Variants in PCDHGA12 observed in about 807,000 individuals in gnomAD.
PCDHGA12 encodes protocadherin gamma subfamily A, 12, also known as protocadherin gamma-A12.
PCDHGA12 carries 43 observed loss-of-function variants against 61.1 expected under a neutral mutation model. That is an observed-to-expected ratio of 0.70 (90% CI 0.55 to 0.91). The LOEUF is 0.91. Among genes scored for constraint, PCDHGA12 ranks in the 40% least tolerant of loss-of-function variants. The probability of loss-of-function intolerance (pLI) is 0.00; values close to 1 mark genes in which losing one functional copy is unlikely to be tolerated. For synonymous variants in PCDHGA12, 520 were observed against 542.9 expected (o/e 0.96, Z 0.59); for missense variants, 1,236 against 1,227.7 (o/e 1.01, Z -0.10).
rs775312856 is a variant in PCDHGA12, at chr5:141,485,899, C to G, written c.2425-8908C>G. 1.9e-6 allele frequency: 3 copies of G among 1,614,166 alleles called. No homozygotes were observed. Among genetic ancestry groups the G allele is most frequent in the Non-Finnish European group, 2.5e-6 (3 of 1,180,032 alleles). ...ACGTAAACGACAACGCCCCAGCCTT[C>G]CAGCAATCCAGCTACAGGATTAGTG... On this transcript the variant is annotated intron_variant, in intron 1 of 3. Transcript: ENST00000252085. The surrounding 1 kb of genome is among the most constrained non-coding windows in gnomAD (Gnocchi z 5.7).
Position 141,454,782 on chromosome 5 carries a change from C to A in PCDHGA12, c.2424+21599C>A, listed in dbSNP as rs116242508. On this transcript the variant is annotated intron_variant, in intron 1 of 3. Transcript: ENST00000252085. ...GACATGTTTTTTACAAGGAAATAAT[C>A]CTCCATGGTTCTAATTTTTTTTTTT... is the stretch of plus-strand genomic sequence containing the variant. 8.4e-3 allele frequency among the ~76,000 whole-genome samples: 1,205 copies of A among 143,216 alleles called. 20 individuals are homozygous for A. Among genetic ancestry groups the A allele is most frequent in the African/African-American group, 0.03 (1,150 of 37,952 alleles). The allele number at this position is 143,216 out of a possible 152,430, so 94.0% of individuals were successfully genotyped here. A position where few individuals can be genotyped will look rare whatever the true frequency, so the allele number is the denominator to read the frequency against.
chr5:141,446,759 G>A (rs983129633), intron 1 of PCDHGA12, among the ~76,000 whole-genome samples: 5 of 152,026 alleles, frequency 3.3e-5, no homozygotes, highest in Admixed American at 1.3e-4. Flanking sequence ...GAGCCACCGC[G>A]CCCAGCCGGT....
chr5:141,471,214 A>C (rs757487718), intron 1 of PCDHGA12: 2 of 149,606 alleles, frequency 1.3e-5, no homozygotes, highest in Non-Finnish European at 3.0e-5. Context: ...CATGCCTGGC[A>C]ATTTTTTTGT....
At chr5:141,458,617 T>A (rs1392739721) in intron 1 of PCDHGA12, among the ~76,000 whole-genome samples, 6 of 152,170 alleles carry the variant, frequency 3.9e-5, no homozygotes, top group Non-Finnish European at 8.8e-5. Flanking sequence ...TCAGCCAGGC[T>A]GGAGTGCAGT....
chr5:141,465,142 T>TCCCTAA (rs2099097979), intron 1 of PCDHGA12, among the ~76,000 whole-genome samples: 3 of 151,990 alleles, frequency 2.0e-5, no homozygotes, highest in Non-Finnish European at 4.4e-5. Flanking sequence ...GTTTAGGGGA[T>TCCCTAA]ATATGAAGGG....
Position 141,483,506 on chromosome 5 carries a change from T to A in PCDHGA12, c.2425-11301T>A, listed in dbSNP as rs964063329. ...AGGGACAGGGATGAGTCAAGGCTGA[T>A]CCCCCTAGATCCTGACTAAGGAAGC... On this transcript the variant is annotated intron_variant, in intron 1 of 3. Coordinates refer to ENST00000252085, the MANE Select transcript of PCDHGA12 (RefSeq NM_003735.3). Among the ~76,000 whole-genome samples the A allele has an allele frequency of 2.7e-5, 4 of 148,396 alleles. No individual in the cohort carries two copies. In the South Asian group the frequency reaches 8.5e-4, roughly 32 times the overall value.
chr5:141,505,338 G>T, intron 2 of PCDHGA12, 55 bp from the exon 3 acceptor site: 1 of 1,612,254 alleles, frequency 6.2e-7, no homozygotes, highest in South Asian at 1.1e-5. Flanking sequence ...GGACAGGAGG[G>T]GCATGAGCTG....
At chr5:141,451,036 G>T (rs973806381) in intron 1 of PCDHGA12, among the ~76,000 whole-genome samples, 1 of 150,880 alleles carries the variant, frequency 6.6e-6, no homozygotes, top group Non-Finnish European at 1.5e-5. Flanking sequence ...CACCATATTG[G>T]CCAGGCTGGT....
chr5:141,454,675 G>A (rs973403044), intron 1 of PCDHGA12, among the ~76,000 whole-genome samples: 8 of 151,764 alleles, frequency 5.3e-5, no homozygotes, highest in Non-Finnish European at 1.0e-4. Context: ...CAAAACACTG[G>A]GATTACAGGC....
In PCDHGA12 at chr5:141,485,318, G is replaced by A. The variant is rs1318256454; in HGVS notation, c.2425-9489G>A. On this transcript the variant is annotated intron_variant, in intron 1 of 3. Transcript: ENST00000252085. The surrounding 1 kb of genome is among the most constrained non-coding windows in gnomAD (Gnocchi z 5.7). ...GGAAGGGACTTTTGTAGGGAATGTC[G>A]CTCAAGATTTCCTGCTGGATACGGA... 3 of 1,614,142 alleles carry A rather than the reference G, an allele frequency of 1.9e-6. No homozygotes were observed. The highest frequency in any genetic ancestry group is 2.5e-6 in the Non-Finnish European group (3 of 1,180,006).
In PCDHGA12 at chr5:141,489,984, T is replaced by C; in HGVS notation, c.2425-4823T>C. The C allele has an allele frequency of 1.2e-6, 2 of 1,614,212 alleles. No homozygotes were observed. Among genetic ancestry groups the C allele is most frequent in the South Asian group, 1.1e-5 (1 of 91,090 alleles). ...CAACCTTCCAATCCTCAGTTCTACG[T>C]GTGGGAATCCCAGAGAATGCACCCA... On this transcript the variant is annotated intron_variant, in intron 1 of 3. Transcript: ENST00000252085. The surrounding 1 kb of genome is among the most constrained non-coding windows in gnomAD (Gnocchi z 4.5).
rs763097687 is a variant in PCDHGA12 at position 141,489,361 on chromosome 5, C to G, written c.2425-5446C>G. On this transcript the variant is annotated intron_variant, in intron 1 of 3. Transcript: ENST00000252085. This position sits in a 1 kb window ranked among gnomAD's most constrained non-coding sequence, Gnocchi z 4.5. Reference sequence around the variant, plus strand: ...TTACTCAGTGGTGGAGGAGTCTGAGCCGGGGACGCTGGTGGGGAATGTTGC... The same window carrying G: ...TTACTCAGTGGTGGAGGAGTCTGAGGCGGGGACGCTGGTGGGGAATGTTGC... 6.2e-7 allele frequency: 1 copy of G among 1,612,762 alleles called. No homozygotes were observed. Among genetic ancestry groups the G allele is most frequent in the African/African-American group, 1.3e-5 (1 of 74,874 alleles).
chr5:141,455,587 T>C (rs1383947901), intron 1 of PCDHGA12, among the ~76,000 whole-genome samples: 1 of 152,162 alleles, frequency 6.6e-6, no homozygotes, highest in African/African-American at 2.4e-5. Flanking sequence ...CCTTTTAATA[T>C]GCAAACGTAG....
chr5:141,503,077 TCTC>T (rs1212079220), intron 2 of PCDHGA12, among the ~76,000 whole-genome samples: 1 of 151,810 alleles, frequency 6.6e-6, no homozygotes, highest in African/African-American at 2.4e-5. Flanking sequence ...ATGGTCTCGA[TCTC>T]CTGACCTCGT....
chr5:141,486,138 C>T lies in PCDHGA12; in HGVS notation c.2425-8669C>T. On this transcript the variant is annotated intron_variant, in intron 1 of 3. Transcript: ENST00000252085. This position sits in a 1 kb window ranked among gnomAD's most constrained non-coding sequence, Gnocchi z 5.0. ...AATTACTATGAATTTGATGTGCGGG[C>T]TCGCGATGGGGGTTCTCCAGCCATG... The T allele has an allele frequency of 6.2e-7, 1 of 1,614,212 alleles. No individual in the cohort carries two copies. The highest frequency in any genetic ancestry group is 1.3e-5 in the African/African-American group (1 of 75,052).
intron 1 of PCDHGA12, among the ~76,000 whole-genome samples, chr5:141,460,807 A>G (rs2098998307): frequency 6.6e-6 from 1 of 151,962 alleles, no homozygotes; most frequent in Non-Finnish European, 1.5e-5. Context: ...ATATATATGT[A>G]TGTATACATA....
rs376415955 is a variant in PCDHGA12, at chr5:141,432,082, C to T, written c.1323C>T (p.Asn441=). ...PLSTETHISL[N]VADTNDNPPV... ...CCACGGAAACTCATATCTCGCTGAACGTGGCAGACACCAACGACAACCCGC... is the reference window on the plus strand; with the variant it reads ...CCACGGAAACTCATATCTCGCTGAATGTGGCAGACACCAACGACAACCCGC... The change falls in exon 1 of 4, where the codon AAC becomes AAT. Residue 441 remains asparagine (N), a synonymous_variant. Transcript: ENST00000252085. This position sits in a 1 kb window ranked among gnomAD's most constrained non-coding sequence, Gnocchi z 6.0. The T allele has an allele frequency of 3.1e-6, 5 of 1,614,184 alleles. No homozygotes were observed. Among genetic ancestry groups the T allele is most frequent in the Non-Finnish European group, 4.2e-6 (5 of 1,180,028 alleles).
chr5:141,495,005 C>CG (rs2099758180), intron 2 of PCDHGA12, 140 bp downstream of exon 2: 6 of 1,522,802 alleles, frequency 3.9e-6, no homozygotes, highest in Admixed American at 2.0e-5. Context: ...TCTTGGTGTG[C>CG]GGGGGGCTGG....
rs752316565 is a variant in PCDHGA12 at position 141,487,235 on chromosome 5, C to T, written c.2425-7572C>T. On this transcript the variant is annotated intron_variant, in intron 1 of 3. Coordinates refer to ENST00000252085, the MANE Select transcript of PCDHGA12 (RefSeq NM_003735.3). This position sits in a 1 kb window ranked among gnomAD's most constrained non-coding sequence, Gnocchi z 5.0. The stretch of plus-strand genomic sequence containing the variant: ...TTCAGCTCCAAGGGAAGGAGAATCT[C>T]GTCTAACCCTCTACTTGGCTGTGTC... The T allele has an allele frequency of 2.5e-6, 4 of 1,614,126 alleles. No individual in the cohort carries two copies. Among genetic ancestry groups the T allele is most frequent in the Non-Finnish European group, 3.4e-6 (4 of 1,179,994 alleles).
Sources: allele counts gnomAD v4.1 joint callset (sites outside exome capture counted in the v4.1 genomes callset), GRCh38; gene constraint gnomAD v4.1.1; non-coding constraint Gnocchi (gnomAD v3.1); transcripts MANE v1.5; gene names NCBI Gene and HGNC (gene_info 2026-07-23, HGNC 2026-07-21).